The following MAP3K20 variants were observed in gnomAD, a reference collection of about 807,000 sequenced individuals.
MAP3K20 encodes the protein mitogen-activated protein kinase kinase kinase 20.
MAP3K20 carries 40 observed loss-of-function variants against 85.7 expected under a neutral mutation model. The ratio of observed to expected loss-of-function variants is 0.47; its 90% CI spans 0.36 to 0.61. The LOEUF (loss-of-function observed/expected upper bound fraction) is 0.61. Ranked by LOEUF, MAP3K20 falls within the 20% of genes least tolerant of loss-of-function variation. MAP3K20 has a pLI of 0.00. For missense variants in MAP3K20, 817 were observed against 961.7 expected, an observed-to-expected ratio of 0.85 and a Z score of 1.99; for synonymous variants, 325 against 327.7, an observed-to-expected ratio of 0.99 and a Z score of 0.09.
chr2:173,090,502 A>T, intron 1 of MAP3K20: 1 of 451,508 alleles, frequency 2.2e-6, no homozygotes, highest in Non-Finnish European at 2.9e-6. Context: ...TTGTGTGTTC[A>T]GTTTGCAGCC....
chr2:173,231,801 C>T (rs1249267404), intron 12 of MAP3K20, among the ~76,000 whole-genome samples: 1 of 152,252 alleles, frequency 6.6e-6, no homozygotes, highest in Non-Finnish European at 1.5e-5. Flanking sequence ...AAGATTCCTT[C>T]TGTCTGTTGC....
chr2:173,146,982 T>A (rs977040025), intron 2 of MAP3K20, among the ~76,000 whole-genome samples: 34 of 152,236 alleles, frequency 2.2e-4, no homozygotes, highest in African/African-American at 7.2e-4. Flanking sequence ...TTCCTTATAC[T>A]TAGTGGCCAT....
chr2:173,186,625 TG>T (rs1690493143), intron 4 of MAP3K20, among the ~76,000 whole-genome samples: 1 of 152,180 alleles, frequency 6.6e-6, no homozygotes, highest in Non-Finnish European at 1.5e-5. Context: ...TTATTTTCAA[TG>T]CATTGTTCAT....
At chr2:173,117,528 C>A (rs569593205) in intron 2 of MAP3K20, among the ~76,000 whole-genome samples, 34 of 152,282 alleles carry the variant, frequency 2.2e-4, no homozygotes, top group African/African-American at 6.7e-4. Context: ...GATCTTCCTG[C>A]CTTGACCTCC....
At chr2:173,133,673 A>T (rs1688679451) in intron 2 of MAP3K20, among the ~76,000 whole-genome samples, 1 of 151,930 alleles carries the variant, frequency 6.6e-6, no homozygotes, top group African/African-American at 2.4e-5. Flanking sequence ...CACAACAAGG[A>T]CTCTGATTCA....
chr2:173,199,328 A>G (rs1690957678), intron 8 of MAP3K20, among the ~76,000 whole-genome samples: 1 of 152,258 alleles, frequency 6.6e-6, no homozygotes, highest in Non-Finnish European at 1.5e-5. Context: ...CTGATGGGAA[A>G]GAGCTGCCAA....
intron 2 of MAP3K20, among the ~76,000 whole-genome samples, chr2:173,111,280 T>C (rs947254941): frequency 1.2e-4 from 19 of 152,154 alleles, no homozygotes; most frequent in Non-Finnish European, 2.4e-4. Flanking sequence ...ATGGGATTGT[T>C]TTTTTCTTAT....
At chr2:173,180,183 T>C (rs1294186281) in intron 3 of MAP3K20, among the ~76,000 whole-genome samples, 2 of 152,196 alleles carry the variant, frequency 1.3e-5, no homozygotes, top group African/African-American at 2.4e-5. Context: ...AGAACTAACT[T>C]TGAGGACTTA....
chr2:173,207,218 T>G (rs1683718723), intron 9 of MAP3K20, among the ~76,000 whole-genome samples: 2 of 152,120 alleles, frequency 1.3e-5, no homozygotes, highest in South Asian at 4.1e-4. Flanking sequence ...GTTGGTCTCG[T>G]GCAGTGGCTC....
intron 10 of MAP3K20, chr2:173,212,726 G>A (rs1683944795): frequency 6.6e-6 from 1 of 150,838 alleles, no homozygotes; most frequent in South Asian, 2.1e-4. Context: ...TTGAGCTGGG[G>A]AGGTCAAAGC....
intron 3 of MAP3K20, among the ~76,000 whole-genome samples, chr2:173,172,003 C>A (rs548418164): frequency 9.1e-4 from 139 of 152,266 alleles, no homozygotes; most frequent in Middle Eastern, 6.8e-3. Flanking sequence ...TTTTAATTAA[C>A]TAAGTGCTTG....
intron 2 of MAP3K20, among the ~76,000 whole-genome samples, chr2:173,095,691 G>A (rs1322741316): frequency 6.6e-6 from 1 of 152,134 alleles, no homozygotes; most frequent in Non-Finnish European, 1.5e-5. Flanking sequence ...CTTCTCAGAT[G>A]TATAACAAGG....
chr2:173,170,425 C>G (rs1689967838), intron 3 of MAP3K20, among the ~76,000 whole-genome samples: 1 of 152,176 alleles, frequency 6.6e-6, no homozygotes, highest in African/African-American at 2.4e-5. Flanking sequence ...AATACGCTTT[C>G]TAAAAAGCAG....
intron 17 of MAP3K20, among the ~76,000 whole-genome samples, 158 bp downstream of exon 17, chr2:173,258,973 GATC>G (rs1398745974): frequency 3.3e-5 from 5 of 152,170 alleles, no homozygotes; most frequent in Non-Finnish European, 7.3e-5. Context: ...AGCAGACTGA[GATC>G]ATAATAGGTT....
intron 1 of MAP3K20, among the ~76,000 whole-genome samples, chr2:173,081,861 T>G (rs1220479139): frequency 6.6e-6 from 1 of 151,934 alleles, no homozygotes; most frequent in Non-Finnish European, 1.5e-5. Context: ...AGGGTTGGAG[T>G]GGGTCTTAAA....
chr2:173,110,212 TATATATATATATATATATATATATA>T (rs1687907183), intron 2 of MAP3K20, among the ~76,000 whole-genome samples: 1 of 6,974 alleles, frequency 1.4e-4, no homozygotes, highest in Non-Finnish European at 2.7e-4. Context: ...TATATATATA[TATATATATATATATATATATATATA>T]TATATTTTTT....
chr2:173,232,326 C>G lies in MAP3K20; in HGVS notation c.1070C>G (p.Ser357Cys). The change falls in exon 14 of 20, where the codon TCT becomes TGT. Residue 357 changes from serine to cysteine, a missense_variant. Physicochemically the swap from Ser to Cys is moderately radical, Grantham distance 112. Around this residue, in one of 4 missense-constraint regions of MAP3K20, gnomAD observed 158 missense variants for 162.0 expected, o/e 0.98. Coordinates refer to ENST00000375213, the MANE Select transcript of MAP3K20 (RefSeq NM_016653.3). ...TTCTAATCACTTCCTTCAGGTGACT[C>G]TTCAGCAGAGATGAGTGTATATGCA... ...WVQQLVRKGDSSAEMSVYASL... is the reference protein window; with the variant it reads ...WVQQLVRKGDCSAEMSVYASL... The G allele has an allele frequency of 6.2e-7, 1 of 1,614,202 alleles. No homozygotes were observed. The highest frequency in any genetic ancestry group is 8.5e-7 in the Non-Finnish European group (1 of 1,180,030).
intron 1 of MAP3K20, among the ~76,000 whole-genome samples, chr2:173,081,165 A>T (rs1051972146): frequency 6.6e-6 from 1 of 151,726 alleles, no homozygotes; most frequent in Non-Finnish European, 1.5e-5. Flanking sequence ...AAATCGATAC[A>T]GACACATATT....
At chr2:173,265,771 G>A (rs1476205062) in intron 19 of MAP3K20, among the ~76,000 whole-genome samples, 1 of 152,148 alleles carries the variant, frequency 6.6e-6, no homozygotes, top group Admixed American at 6.5e-5. Context: ...AACTATTAGT[G>A]TTTACCTAAG....
Sources: gnomAD v4.1 joint callset for allele counts (sites outside exome capture counted in the v4.1 genomes callset) on GRCh38, gnomAD v4.1.1 for gene constraint, gnomAD v4.1.1 regional missense constraint, MANE v1.5 for transcripts, NCBI Gene and HGNC (gene_info 2026-07-23, HGNC 2026-07-21) for gene names.